PTPRK: variants seen among roughly 807,000 people sequenced by gnomAD.
The protein encoded by PTPRK is receptor-type tyrosine-protein phosphatase kappa.
In PTPRK, 75 loss-of-function variants were observed where a neutral mutation model predicts 178.0. The ratio of observed to expected loss-of-function variants is 0.42; its 90% CI spans 0.35 to 0.51. The LOEUF (loss-of-function observed/expected upper bound fraction) is 0.51, where lower values mean the gene tolerates loss of function less well. PTPRK is among the 20% of genes least tolerant of loss of function. The pLI is 0.02. For synonymous variants in PTPRK, 637 were observed against 620.6 expected (o/e 1.03, Z -0.39); for missense variants, 1,441 against 1,797.8 (o/e 0.80, Z 3.59).
At chr6:128,446,659 C>A (rs908048159) in intron 1 of PTPRK, among the ~76,000 whole-genome samples, 5 of 152,284 alleles carry the variant, frequency 3.3e-5, no homozygotes, top group Admixed American at 2.6e-4. Context: ...GGAAAACTAG[C>A]AGCCCATTCA....
intron 5 of PTPRK, among the ~76,000 whole-genome samples, chr6:128,237,742 C>T (rs1813553810): frequency 6.6e-6 from 1 of 152,120 alleles, no homozygotes; most frequent in Non-Finnish European, 1.5e-5. Context: ...GGCTGTTATT[C>T]TACGTGAAAT....
At chr6:128,061,818 C>T (rs927011915) in intron 13 of PTPRK, among the ~76,000 whole-genome samples, 7 of 152,184 alleles carry the variant, frequency 4.6e-5, no homozygotes, top group Admixed American at 2.0e-4. Context: ...GTTTCTAACT[C>T]TGGCCATGCA....
intron 7 of PTPRK, among the ~76,000 whole-genome samples, chr6:128,148,624 A>T (rs1288138480): frequency 6.6e-6 from 1 of 152,260 alleles, no homozygotes; most frequent in African/African-American, 2.4e-5. Flanking sequence ...GAGACTTGAT[A>T]TTCCTTAACA....
chr6:128,078,815 G>A lies in PTPRK; in HGVS notation c.1881C>T (p.Ile627=). ...CTACTGTAGTTTTCTCCTCTTACCTGATAGGAGCACCTTTGGCTTGTGCTG... is the reference window on the plus strand; with the variant it reads ...CTACTGTAGTTTTCTCCTCTTACCTAATAGGAGCACCTTTGGCTTGTGCTG... ...LRPAQAKGAP[I]SAYQIVVEEL... The change falls in exon 11 of 30, where the codon ATC becomes ATT. Residue 627 remains isoleucine (I), a splice_region_variant and synonymous_variant. Coordinates refer to ENST00000368226, the MANE Select transcript of PTPRK (RefSeq NM_002844.4). The A allele has an allele frequency of 6.2e-7, 1 of 1,603,960 alleles. No homozygotes were observed. Among genetic ancestry groups the A allele is most frequent in the Non-Finnish European group, 8.5e-7 (1 of 1,171,468 alleles).
chr6:127,992,008 A>C lies in PTPRK; in HGVS notation c.2882-617T>G, dbSNP rs988655906. 4.0e-5 allele frequency among the ~76,000 whole-genome samples: 6 copies of C among 151,810 alleles called. No individual in the cohort carries two copies. In the East Asian group the frequency reaches 9.7e-4, roughly 24 times the overall value. On this transcript the variant is annotated intron_variant, in intron 19 of 29. Coordinates refer to ENST00000368226, the MANE Select transcript of PTPRK (RefSeq NM_002844.4). ...AAACACAGAAAAATGACCCCTGTTA[A>C]AAGAGTAAACCTAGCTTTTGTTTTA...
chr6:128,023,967 G>T (rs905203168), intron 13 of PTPRK, among the ~76,000 whole-genome samples: 1 of 152,008 alleles, frequency 6.6e-6, no homozygotes, highest in Non-Finnish European at 1.5e-5. Flanking sequence ...ACCACACCAG[G>T]CCAATCTCTT....
chr6:128,467,547 C>T (rs796529046), intron 1 of PTPRK, among the ~76,000 whole-genome samples: 9 of 152,294 alleles, frequency 5.9e-5, no homozygotes, highest in African/African-American at 1.4e-4. Flanking sequence ...ATCACCAACG[C>T]GAAGCATGTT....
intron 3 of PTPRK, among the ~76,000 whole-genome samples, chr6:128,264,347 T>C (rs1818631134): frequency 6.6e-6 from 1 of 152,214 alleles, no homozygotes; most frequent in Non-Finnish European, 1.5e-5. Context: ...GCAGTTCTGT[T>C]ACTTCTAGGT....
At chr6:128,407,122 A>G (rs887082225) in intron 1 of PTPRK, among the ~76,000 whole-genome samples, 1 of 152,206 alleles carries the variant, frequency 6.6e-6, no homozygotes, top group Non-Finnish European at 1.5e-5. Flanking sequence ...ATCCTATGAT[A>G]TTAGAAGCTA....
At chr6:128,202,734 C>G (rs192459404) in intron 6 of PTPRK, among the ~76,000 whole-genome samples, 5 of 152,142 alleles carry the variant, frequency 3.3e-5, no homozygotes, top group Non-Finnish European at 7.4e-5. Context: ...AGACCAATGA[C>G]AAATTCTGAA....
intron 6 of PTPRK, among the ~76,000 whole-genome samples, chr6:128,194,522 T>C (rs1804532995): frequency 6.6e-6 from 1 of 152,228 alleles, no homozygotes; most frequent in Non-Finnish European, 1.5e-5. Context: ...AAGATTTTTC[T>C]CATGGTCATT....
chr6:128,436,451 G>A (rs1184989016), intron 1 of PTPRK, among the ~76,000 whole-genome samples: 1 of 152,192 alleles, frequency 6.6e-6, no homozygotes, highest in Non-Finnish European at 1.5e-5. Context: ...AGAAATTGGT[G>A]TAAAGCTGCT....
chr6:128,481,915 A>G (rs1440763749), intron 1 of PTPRK, among the ~76,000 whole-genome samples: 1 of 152,106 alleles, frequency 6.6e-6, no homozygotes, highest in East Asian at 1.9e-4. Context: ...TAACTAAATG[A>G]AGGGGGGTTC....
At chr6:128,129,436 C>A (rs1162571451) in intron 7 of PTPRK, among the ~76,000 whole-genome samples, 1 of 152,144 alleles carries the variant, frequency 6.6e-6, no homozygotes, top group Non-Finnish European at 1.5e-5. Flanking sequence ...CACCCATTAG[C>A]TTTGATCACC....
intron 3 of PTPRK, among the ~76,000 whole-genome samples, chr6:128,283,078 C>T (rs1004690173): frequency 2.0e-5 from 3 of 152,122 alleles, no homozygotes; most frequent in African/African-American, 4.8e-5. Flanking sequence ...CATGCTTTCC[C>T]GCAGCAAAGT....
intron 7 of PTPRK, among the ~76,000 whole-genome samples, chr6:128,114,946 A>G (rs2114359718): frequency 6.6e-6 from 1 of 152,100 alleles, no homozygotes; most frequent in South Asian, 2.1e-4. Context: ...TTCTTCAGCC[A>G]TTCTTTTGTT....
At chr6:128,262,916 G>A (rs934364866) in intron 3 of PTPRK, among the ~76,000 whole-genome samples, 3 of 148,280 alleles carry the variant, frequency 2.0e-5, no homozygotes, top group African/African-American at 7.6e-5. Flanking sequence ...TAAAAAACTG[G>A]GCCAATTTTC....
intron 3 of PTPRK, 51 bp downstream of exon 3, chr6:128,321,988 A>G: frequency 6.2e-7 from 1 of 1,608,626 alleles, no homozygotes; most frequent in Admixed American, 1.7e-5. Flanking sequence ...TTACACATAT[A>G]GTGAGAACTG....
At chr6:128,005,308 CAATA>C in intron 14 of PTPRK, 64 bp from the exon 15 acceptor site, 3 of 1,525,584 alleles carry the variant, frequency 2.0e-6, no homozygotes, top group Non-Finnish European at 2.7e-6. Context: ...TTAACACCAG[CAATA>C]AATAGTCCAG....
Sources: gnomAD v4.1 joint callset for allele counts (sites outside exome capture counted in the v4.1 genomes callset) on GRCh38, gnomAD v4.1.1 for gene constraint, MANE v1.5 for transcripts, NCBI Gene and HGNC (gene_info 2026-07-23, HGNC 2026-07-21) for gene names.